The following SGCD variants were observed in gnomAD, a reference collection of about 807,000 sequenced individuals.
SGCD encodes sarcoglycan delta.
In SGCD, 18 loss-of-function variants were observed where a neutral mutation model predicts 36.6. The ratio of observed to expected loss-of-function variants is 0.49; its 90% CI spans 0.34 to 0.73. The LOEUF is 0.73. Ranked by LOEUF, SGCD falls within the 30% of genes least tolerant of loss-of-function variation. SGCD has a pLI of 0.01. For synonymous variants in SGCD, 133 were observed against 130.6 expected, an observed-to-expected ratio of 1.02 and a Z score of -0.12; for missense variants, 387 against 346.7, an observed-to-expected ratio of 1.12 and a Z score of -0.92.
At chr5:155,758,600 G>T in the SGCD span, among the ~76,000 whole-genome samples, 1 of 152,194 alleles carries the variant, frequency 6.6e-6, no homozygotes, top group African/African-American at 2.4e-5. Context: ...GGCTCCTTCA[G>T]ATCAGCAGTG....
chr5:155,933,148 T>C (rs777205886), intron 1 of SGCD, among the ~76,000 whole-genome samples: 69 of 152,306 alleles, frequency 4.5e-4, no homozygotes, highest in Admixed American at 7.8e-4. Context: ...TTTTTATCCC[T>C]CTTATCCTCT....
At chr5:156,582,296 G>C (rs777880867) in intron 4 of SGCD, among the ~76,000 whole-genome samples, 3 of 152,110 alleles carry the variant, frequency 2.0e-5, no homozygotes, top group Non-Finnish European at 2.9e-5. Context: ...GTTTGGGGTT[G>C]TTACATGAGT....
intron 3 of SGCD, among the ~76,000 whole-genome samples, chr5:156,151,274 AC>A: frequency 6.6e-6 from 1 of 151,788 alleles, no homozygotes; most frequent in East Asian, 1.9e-4. Flanking sequence ...CAAGGATGTC[AC>A]TACTAAAAGC....
chr5:156,479,267 T>G (rs544010379), intron 3 of SGCD, among the ~76,000 whole-genome samples: 1 of 152,102 alleles, frequency 6.6e-6, no homozygotes, highest in Admixed American at 6.5e-5. Flanking sequence ...TAATTTTTTT[T>G]GTACTTTTAG....
At chr5:156,636,645 G>A (rs75192516) in intron 6 of SGCD, among the ~76,000 whole-genome samples, 1,836 of 152,244 alleles carry the variant, frequency 0.012, 35 homozygotes, top group East Asian at 0.049. Flanking sequence ...AAAAGGAAAG[G>A]AAAAGTACTT....
intron 3 of SGCD, among the ~76,000 whole-genome samples, chr5:156,158,149 A>C (rs1170855470): frequency 6.6e-6 from 1 of 151,352 alleles, no homozygotes; most frequent in Non-Finnish European, 1.5e-5. Flanking sequence ...TTAGAAACTA[A>C]AGCTACTGAT....
chr5:156,278,647 A>G lies in SGCD; in HGVS notation c.-43-50887A>G, dbSNP rs797021934. 3.9e-4 allele frequency among the ~76,000 whole-genome samples: 59 copies of G among 152,346 alleles called. 1 individual carries two copies. The highest frequency in any genetic ancestry group is 1.4e-3 in the African/African-American group (57 of 41,594). ...AAAGCAGTCATTTTGAGGCAGCTTC[A>G]TAAGTACTTTTCAAACCTATCCTCT... On this transcript the variant is annotated intron_variant, in intron 3 of 9. Transcript: ENST00000517913.
chr5:155,929,370 A>G (rs905586568), intron 1 of SGCD, among the ~76,000 whole-genome samples: 7 of 152,190 alleles, frequency 4.6e-5, no homozygotes, highest in African/African-American at 1.7e-4. Context: ...TTATTCAGAA[A>G]AGAGAATTTA....
At chr5:155,977,495 A>T (rs991586992) in intron 1 of SGCD, among the ~76,000 whole-genome samples, 1 of 152,214 alleles carries the variant, frequency 6.6e-6, no homozygotes, top group African/African-American at 2.4e-5. Context: ...AATGGTGTTT[A>T]ATAAATATAT....
At chr5:156,390,214 TA>T (rs59950725) in intron 3 of SGCD, among the ~76,000 whole-genome samples, 1 of 150,646 alleles carries the variant, frequency 6.6e-6, no homozygotes, top group East Asian at 1.9e-4. Context: ...TTCTGTTTAT[TA>T]AAAAAAAAAG....
At chr5:155,977,602 T>C (rs1437510032) in intron 1 of SGCD, among the ~76,000 whole-genome samples, 1 of 152,192 alleles carries the variant, frequency 6.6e-6, no homozygotes. Context: ...GTGGCCTCCA[T>C]GTGTTTCTTA....
At chr5:156,347,493 C>T (rs146744531) in intron 3 of SGCD, among the ~76,000 whole-genome samples, 1,945 of 152,204 alleles carry the variant, frequency 0.013, 48 homozygotes, top group African/African-American at 0.045. Context: ...GATCAGAAGA[C>T]ATTTTGGAAG....
intron 3 of SGCD, among the ~76,000 whole-genome samples, chr5:156,317,087 G>T (rs1292361999): frequency 6.6e-6 from 1 of 151,982 alleles, no homozygotes; most frequent in Non-Finnish European, 1.5e-5. Context: ...CAAAAATAAG[G>T]GTAGAATTTG....
chr5:156,757,790 T>A (rs1757398806), intron 8 of SGCD, 86 bp downstream of exon 8: 2 of 1,479,082 alleles, frequency 1.4e-6, no homozygotes, highest in Non-Finnish European at 1.8e-6. Flanking sequence ...CGGAGTTGGA[T>A]CCTACAGTGT....
At chr5:156,056,644 T>TAAAAAAAAAAAAAAAAAAA (rs1561699543) in intron 1 of SGCD, among the ~76,000 whole-genome samples, 1 of 64,802 alleles carries the variant, frequency 1.5e-5, no homozygotes, top group East Asian at 1.1e-3. Flanking sequence ...CAAATTATCC[T>TAAAAAAAAAAAAAAAAAAA]TAAAAAAAAA....
the SGCD span, among the ~76,000 whole-genome samples, chr5:155,811,540 G>A: frequency 2.6e-5 from 4 of 152,168 alleles, no homozygotes; most frequent in East Asian, 7.7e-4. Flanking sequence ...CTGGGGACAA[G>A]CATCCTCAGA....
intron 3 of SGCD, among the ~76,000 whole-genome samples, chr5:156,181,436 G>A (rs997657914): frequency 6.6e-6 from 1 of 152,140 alleles, no homozygotes; most frequent in African/African-American, 2.4e-5. Context: ...CTGAATTTAT[G>A]TAAAGAGAGA....
chr5:156,527,791 T>C (rs1757705939), intron 4 of SGCD, among the ~76,000 whole-genome samples: 1 of 152,214 alleles, frequency 6.6e-6, no homozygotes, highest in South Asian at 2.1e-4. Flanking sequence ...CCTGTTGTCC[T>C]ACCCAACCAA....
At chr5:156,573,833 A>G (rs1210539299) in intron 4 of SGCD, among the ~76,000 whole-genome samples, 2 of 152,128 alleles carry the variant, frequency 1.3e-5, no homozygotes, top group African/African-American at 4.8e-5. Flanking sequence ...AGTTAGGACT[A>G]TAAGCACATG....
Sources: gnomAD v4.1 joint callset for allele counts (sites outside exome capture counted in the v4.1 genomes callset) on GRCh38, gnomAD v4.1.1 for gene constraint, MANE v1.5 for transcripts, NCBI Gene and HGNC (gene_info 2026-07-23, HGNC 2026-07-21) for gene names.